LIMD1: variants seen among roughly 807,000 people sequenced by gnomAD.
LIMD1 encodes the protein LIM domain containing 1.
A neutral mutation model predicts 58.4 loss-of-function variants in LIMD1; 23 were observed. The ratio of observed to expected loss-of-function variants is 0.39; its 90% confidence interval spans 0.28 to 0.56. The LOEUF is 0.56. LIMD1 is among the 20% of genes least tolerant of loss of function. LIMD1 has a pLI of 0.57. For synonymous variants in LIMD1, 334 were observed against 345.5 expected (o/e 0.97, Z 0.37); for missense variants, 838 against 855.5 (o/e 0.98, Z 0.25).
Position 45,596,266 on chromosome 3 carries a change from C to T in LIMD1, c.1387C>T (p.His463Tyr). 1 of 1,605,494 alleles carries T rather than the reference C, an allele frequency of 6.2e-7. No individual in the cohort carries two copies. Among genetic ancestry groups the T allele is most frequent in the Non-Finnish European group, 8.5e-7 (1 of 1,176,286 alleles). The change falls in exon 1 of 8, where the codon CAC becomes TAC. Residue 463 changes from histidine (H) to tyrosine (Y), a missense_variant. By Grantham distance (83) the His-to-Tyr change is moderately conservative. Transcript: ENST00000273317. ...ACGTCTGGAGCGAGAGATGGATGCTCACCCGAAGGCTGATTACTTTGGTGA... is the reference window on the plus strand; with the variant it reads ...ACGTCTGGAGCGAGAGATGGATGCTTACCCGAAGGCTGATTACTTTGGTGA... The part of the protein sequence containing the change: ...TQRLEREMDA[H>Y]PKADYFGACV...
At chr3:45,673,538 C>CT (rs1021714300) in intron 6 of LIMD1, 33 bp downstream of exon 6, 13 of 1,543,580 alleles carry the variant, frequency 8.4e-6, no homozygotes, top group Admixed American at 1.7e-5. Flanking sequence ...CTCCCAGGGG[C>CT]TTCTAAGACA....
chr3:45,620,878 T>C (rs766857351), intron 1 of LIMD1, among the ~76,000 whole-genome samples: 8 of 152,238 alleles, frequency 5.3e-5, no homozygotes, highest in Non-Finnish European at 1.2e-4. Flanking sequence ...CAATACCACC[T>C]TAACTAAGTG....
chr3:45,676,345 TAA>T (rs751149394), intron 7 of LIMD1, among the ~76,000 whole-genome samples: 4 of 142,640 alleles, frequency 2.8e-5, no homozygotes, highest in African/African-American at 7.6e-5. Context: ...TTATTTCTTC[TAA>T]AAAAAAAAAA....
Position 45,595,793 on chromosome 3 carries a change from GC to G in LIMD1, c.918del (p.Arg307GlyfsTer19), listed in dbSNP as rs753005789. 6.2e-7 allele frequency: 1 copy of G among 1,614,152 alleles called. No homozygotes were observed. On this transcript the variant is annotated frameshift_variant, in exon 1 of 8. Coordinates refer to ENST00000273317, the MANE Select transcript of LIMD1 (RefSeq NM_014240.3). LOFTEE classifies it high-confidence loss of function. ...GTGTCAGCACCCTTGGCCCTGAGCT[GC>G]CCCAGGCAAGGAGGTCTTCCAAGAT... ...PSVSAPLALSCPRQGGLPRSN... is the reference protein window; with the variant it reads ...PSVSAPLALSXPRQGGLPRSN...
chr3:45,667,932 T>TA (rs1373022183), intron 3 of LIMD1, among the ~76,000 whole-genome samples: 3 of 152,056 alleles, frequency 2.0e-5, no homozygotes, highest in African/African-American at 7.2e-5. Context: ...AGGTCTGGAG[T>TA]GGAGCCCAAG....
Position 45,684,592 on chromosome 3 carries a change from G to A in LIMD1, c.*7533G>A, listed in dbSNP as rs1201546428. On this transcript the variant is annotated 3_prime_UTR_variant, in exon 8 of 8. Coordinates refer to ENST00000273317, the MANE Select transcript of LIMD1 (RefSeq NM_014240.3). ...TGGATCTCCCCATTCCTGGCGGGAAGCAGACTGATATATAGAGGAGGGGGT... is the reference window on the plus strand; with the variant it reads ...TGGATCTCCCCATTCCTGGCGGGAAACAGACTGATATATAGAGGAGGGGGT... The A allele has an allele frequency of 6.6e-6, 1 of 152,202 alleles. No individual in the cohort carries two copies. Among genetic ancestry groups the A allele is most frequent in the Non-Finnish European group, 1.5e-5 (1 of 68,044 alleles). The allele number at this position is 152,202 out of a possible 1,614,324, so 9.4% of individuals were successfully genotyped here. A position where few individuals can be genotyped will look rare whatever the true frequency, so the allele number is the denominator to read the frequency against.
intron 2 of LIMD1, among the ~76,000 whole-genome samples, chr3:45,654,708 C>T (rs765599162): frequency 4.7e-5 from 7 of 149,494 alleles, no homozygotes; most frequent in African/African-American, 1.5e-4. Flanking sequence ...GTGGCATCCA[C>T]GTGTGTTCCC....
chr3:45,612,010 G>C lies in LIMD1; in HGVS notation c.1408+15723G>C, dbSNP rs1379028605. ...GAGGAAGGCAGGGAGAAAGAAAGGA[G>C]GTGGTGTTGAGGAAGCTAGCATGGC... is the stretch of plus-strand genomic sequence containing the variant. On this transcript the variant is annotated intron_variant, in intron 1 of 7. Transcript: ENST00000273317. 7.2e-5 allele frequency among the ~76,000 whole-genome samples: 11 copies of C among 152,178 alleles called. No homozygotes were observed. The East Asian group carries it at 1.7e-3, about 24-fold the overall frequency.
At position 45,609,407 on chromosome 3, in the gene LIMD1, G is replaced by C. The variant is rs547908059; in HGVS notation, c.1408+13120G>C. On this transcript the variant is annotated intron_variant, in intron 1 of 7. Transcript: ENST00000273317. ...TTTTTTCTTTTTAATTCATAGGTGT[G>C]ATCATAGTACACTACAGCCTCAAGC... Among the ~76,000 whole-genome samples the C allele has an allele frequency of 2.6e-4, 40 of 152,302 alleles. 1 individual carries two copies. The highest frequency in any genetic ancestry group is 9.4e-4 in the African/African-American group (39 of 41,564).
rs564564419 is a variant in LIMD1, at chr3:45,682,987, A to G, written c.*5928A>G. ...CCAGAGGTGCTATAGGGTGCTGCCC[A>G]TTCCTTGCCCCTTTTCCGCTTCTAG... On this transcript the variant is annotated 3_prime_UTR_variant, in exon 8 of 8. Transcript: ENST00000273317. 52 of 152,400 alleles carry G rather than the reference A, an allele frequency of 3.4e-4. No homozygotes were observed. Among genetic ancestry groups the G allele is most frequent in the African/African-American group, 1.2e-3 (49 of 41,580 alleles). 9.4% of individuals were successfully genotyped at this position (152,400 alleles called of 1,614,324 possible).
At position 45,595,095 on chromosome 3, in the gene LIMD1, G is replaced by C; in HGVS notation, c.216G>C (p.Arg72Ser). The stretch of plus-strand genomic sequence containing the variant: ...TCCTGCAGGAGGAGACTCTGCCCAG[G>C]GGGAGTAGAGGCCCTGTCAATGGAG... ...QQLLQEETLP[R>S]GSRGPVNGGG... The change falls in exon 1 of 8, where the codon AGG (arginine) becomes AGC (serine). Residue 72 changes from arginine to serine, a missense_variant. This residue lies in a region of LIMD1 where 659 missense variants were observed against 639.8 expected (regional missense o/e 1.03). Coordinates refer to ENST00000273317, the MANE Select transcript of LIMD1 (RefSeq NM_014240.3). 3 of 1,612,662 alleles carry C rather than the reference G, an allele frequency of 1.9e-6. No homozygotes were observed. The highest frequency in any genetic ancestry group is 2.5e-6 in the Non-Finnish European group (3 of 1,179,544).
intron 2 of LIMD1, among the ~76,000 whole-genome samples, chr3:45,643,566 A>G (rs2125660899): frequency 1.3e-5 from 2 of 152,220 alleles, no homozygotes; most frequent in Admixed American, 1.3e-4. Flanking sequence ...AGGTTTAAAA[A>G]CTAAGACGTT....
chr3:45,622,570 C>T (rs1422339927), intron 1 of LIMD1, among the ~76,000 whole-genome samples: 2 of 152,062 alleles, frequency 1.3e-5, no homozygotes, highest in Non-Finnish European at 2.9e-5. Context: ...AAATATCTTG[C>T]TGTACTATAC....
intron 1 of LIMD1, among the ~76,000 whole-genome samples, chr3:45,611,702 C>T (rs1383618519): frequency 1.3e-5 from 2 of 152,190 alleles, no homozygotes; most frequent in African/African-American, 4.8e-5. Flanking sequence ...GCTTTCCAGG[C>T]AGCTTGCAAA....
intron 1 of LIMD1, among the ~76,000 whole-genome samples, chr3:45,601,868 C>T (rs1013871251): frequency 6.6e-6 from 1 of 152,108 alleles, no homozygotes; most frequent in Non-Finnish European, 1.5e-5. Flanking sequence ...TCATTCTCCA[C>T]CCACGTACTG....
intron 1 of LIMD1, among the ~76,000 whole-genome samples, chr3:45,624,174 A>T (rs141544727): frequency 7.8e-4 from 119 of 152,288 alleles, no homozygotes; most frequent in African/African-American, 2.7e-3. Flanking sequence ...TGATCTTTCT[A>T]GCATCCCTGC....
intron 2 of LIMD1, among the ~76,000 whole-genome samples, chr3:45,654,882 G>C (rs1006181092): frequency 6.7e-6 from 1 of 149,228 alleles, no homozygotes; most frequent in Non-Finnish European, 1.5e-5. Flanking sequence ...GTGTCTTTTT[G>C]GAGTGGATTC....
intron 1 of LIMD1, among the ~76,000 whole-genome samples, chr3:45,599,722 C>T (rs907147421): frequency 2.0e-5 from 3 of 152,172 alleles, no homozygotes; most frequent in Non-Finnish European, 2.9e-5. Flanking sequence ...AAGGGGCAGG[C>T]GTAGCTGCAA....
At chr3:45,617,376 C>T (rs1701585974) in intron 1 of LIMD1, among the ~76,000 whole-genome samples, 1 of 152,098 alleles carries the variant, frequency 6.6e-6, no homozygotes, top group African/African-American at 2.4e-5. Context: ...ATGTTTTTGT[C>T]TTTTCTAAGA....
Sources: gnomAD v4.1 joint callset for allele counts (sites outside exome capture counted in the v4.1 genomes callset) on GRCh38, gnomAD v4.1.1 for gene constraint, gnomAD v4.1.1 regional missense constraint, MANE v1.5 for transcripts, NCBI Gene and HGNC (gene_info 2026-07-23, HGNC 2026-07-21) for gene names.